The following KLHL17 variants were observed in gnomAD, a reference collection of about 807,000 sequenced individuals.
KLHL17 encodes the protein kelch-like protein 17.
In KLHL17, 71 loss-of-function variants were observed where a neutral mutation model predicts 64.6. The observed-to-expected ratio is 1.10, with a 90% CI of 0.91 to 1.34. KLHL17 has a LOEUF of 1.34. Ranked by LOEUF, KLHL17 falls within the 40% of genes most tolerant of loss-of-function variation. The probability of loss-of-function intolerance (pLI) is 0.00; values close to 1 mark genes in which losing one functional copy is unlikely to be tolerated. For missense variants in KLHL17, 1,140 were observed against 935.0 expected, an observed-to-expected ratio of 1.22 and a Z score of -2.86; for synonymous variants, 612 against 405.4, an observed-to-expected ratio of 1.51 and a Z score of -6.12.
In KLHL17 at chr1:965,638, T is replaced by C. The variant is rs1004863150; in HGVS notation, c.*447T>C. 5.1e-6 allele frequency: 1 copy of C among 195,740 alleles called. No homozygotes were observed. Among genetic ancestry groups the C allele is most frequent in the African/African-American group, 2.3e-5 (1 of 42,574 alleles). The allele number at this position is 195,740 out of a possible 1,614,324, so 12.1% of individuals were successfully genotyped here. On this transcript the variant is annotated 3_prime_UTR_variant, in exon 12 of 12. Coordinates refer to ENST00000338591, the MANE Select transcript of KLHL17 (RefSeq NM_198317.3). ...GCCGTGTGCCATCTTTCCTGGATCT[T>C]GTAGTGGGTGCACACGCGTGCACTG...
At chr1:962,072 C>T (rs769793676) in intron 4 of KLHL17, 25 bp downstream of exon 4, 9 of 1,580,898 alleles carry the variant, frequency 5.7e-6, no homozygotes, top group East Asian at 2.3e-5. Context: ...GCCCAGCCCT[C>T]GCCCCCCACC....
chr1:964,264 C>T, intron 10 of KLHL17, 84 bp downstream of exon 10: 1 of 1,595,946 alleles, frequency 6.3e-7, no homozygotes, highest in Non-Finnish European at 8.6e-7. Flanking sequence ...CCCCCCATTC[C>T]TGACACCCCA....
In KLHL17 at chr1:961,319, G is replaced by A. The variant is rs758007093; in HGVS notation, c.134G>A (p.Arg45Gln). Residue 45 changes from arginine to glutamine, a missense_variant, in exon 2 of 12, where the codon CGG becomes CAG. Physicochemically the swap from Arg to Gln is conservative, Grantham distance 43. Coordinates refer to ENST00000338591, the MANE Select transcript of KLHL17 (RefSeq NM_198317.3). The stretch of plus-strand genomic sequence containing the variant: ...CCCGAGGCAGAGCGCACGCGGCCCC[G>A]GCAGGCTCGGCCCGCAGCCCCCATG... ...PAPEAERTRP[R>Q]QARPAAPMEG... 3 of 1,533,712 alleles carry A rather than the reference G, an allele frequency of 2.0e-6. No individual in the cohort carries two copies. The highest frequency in any genetic ancestry group is 2.4e-5 in the East Asian group (1 of 40,828).
At position 961,841 on chromosome 1, in the gene KLHL17, G is replaced by A. The variant is rs1420022423; in HGVS notation, c.505G>A (p.Ala169Thr). ...TGCCCCGTAGACTCTGCTCCCAGCCGCCAGTCTCCTGCAGCTGAATGGCGT... is the reference window on the plus strand; with the variant it reads ...TGCCCCGTAGACTCTGCTCCCAGCCACCAGTCTCCTGCAGCTGAATGGCGT... The part of the protein sequence containing the change: ...EGNVQTLLPA[A>T]SLLQLNGVRD... The change falls in exon 4 of 12, where the codon GCC (alanine) becomes ACC (threonine). Residue 169 changes from alanine to threonine, a missense_variant. Physicochemically the swap from Ala to Thr is moderately conservative, Grantham distance 58. Transcript: ENST00000338591. The A allele has an allele frequency of 2.5e-6, 4 of 1,610,448 alleles. No individual in the cohort carries two copies. Among genetic ancestry groups the A allele is most frequent in the African/African-American group, 1.3e-5 (1 of 74,930 alleles).
Position 964,255 on chromosome 1 carries a change from C to T in KLHL17, c.1518+75C>T, listed in dbSNP as rs1642794680. The T allele has an allele frequency of 5.6e-6, 9 of 1,597,142 alleles. No homozygotes were observed. The Admixed American group carries it at 6.7e-5, about 12-fold the overall frequency. ...CTCCTCCCTCTGTTTACCCACATCC[C>T]CCCCATTCCTGACACCCCACCCTGG... On this transcript the variant is annotated intron_variant, in intron 10 of 11. Transcript: ENST00000338591.
rs778808134 is a variant in KLHL17, at chr1:961,579, G to A, written c.367+27G>A. On this transcript the variant is annotated intron_variant, in intron 2 of 11. Transcript: ENST00000338591. ...CAAGTACCCGCCTGGGCGGCGCTGG[G>A]GGCTCCGTGGGTCCCTCGGGTCAGC... The A allele has an allele frequency of 1.1e-5, 17 of 1,612,598 alleles. No homozygotes were observed. In the South Asian group the frequency reaches 1.9e-4, roughly 18 times the overall value.
intron 4 of KLHL17, 35 bp downstream of exon 4, chr1:962,082 C>T (rs761107058): frequency 1.3e-6 from 2 of 1,532,564 alleles, no homozygotes; most frequent in Non-Finnish European, 1.8e-6. Flanking sequence ...CGCCCCCCAC[C>T]CCACCCCACC....
chr1:962,311 C>T (rs964351368), intron 4 of KLHL17, 44 bp from the exon 5 acceptor site: 11 of 1,610,138 alleles, frequency 6.8e-6, no homozygotes, highest in Admixed American at 3.3e-5. Context: ...CCTGGGTCCA[C>T]AGGACCCTCC....
rs747549338 is a variant in KLHL17, at chr1:960,692, G to C, written c.-2G>C. ...CGAATCGGCGGTGGGTCCGGCAGCC[G>C]AATGCAGCCCCGCAGCGAGCGCCCG... On this transcript the variant is annotated 5_prime_UTR_variant, in exon 1 of 12. Coordinates refer to ENST00000338591, the MANE Select transcript of KLHL17 (RefSeq NM_198317.3). The C allele has an allele frequency of 7.3e-7, 1 of 1,374,812 alleles. No homozygotes were observed. The highest frequency in any genetic ancestry group is 3.4e-5 in the East Asian group (1 of 29,588). 85.2% of individuals were successfully genotyped at this position (1,374,812 alleles called of 1,614,324 possible). A position where few individuals can be genotyped will look rare whatever the true frequency, so the allele number is the denominator to read the frequency against.
chr1:961,213 G>A lies in KLHL17; in HGVS notation c.108-80G>A, dbSNP rs1239631109. On this transcript the variant is annotated intron_variant, in intron 1 of 11. Transcript: ENST00000338591. ...TCGCACCAGGGGCTGGGTCCCCGCGGGCTGCCCGGGCCCCCCAGCGGCTCC... is the reference window on the plus strand; with the variant it reads ...TCGCACCAGGGGCTGGGTCCCCGCGAGCTGCCCGGGCCCCCCAGCGGCTCC... The A allele has an allele frequency of 1.2e-5, 13 of 1,091,598 alleles. No homozygotes were observed. In the South Asian group the frequency reaches 5.4e-4, roughly 45 times the overall value. The allele number at this position is 1,091,598 out of a possible 1,614,324, so 67.6% of individuals were successfully genotyped here. A position where few individuals can be genotyped will look rare whatever the true frequency, so the allele number is the denominator to read the frequency against.
intron 10 of KLHL17, 27 bp from the exon 11 acceptor site, chr1:964,322 G>A (rs1569988681): frequency 6.5e-7 from 1 of 1,550,030 alleles, no homozygotes; most frequent in East Asian, 2.4e-5. Flanking sequence ...TGGCGGGTCT[G>A]CGTCCAGCCC....
rs945113836 is a variant in KLHL17 at position 965,265 on chromosome 1, C to A, written c.*74C>A. ...CGTGGCCCCCACCAGGGACGTCCTG[C>A]GCCATCCGTTCACGTCTCTGCATCC... On this transcript the variant is annotated 3_prime_UTR_variant, in exon 12 of 12. Transcript: ENST00000338591. 2 of 1,214,636 alleles carry A rather than the reference C, an allele frequency of 1.6e-6. No individual in the cohort carries two copies. Among genetic ancestry groups the A allele is most frequent in the African/African-American group, 1.5e-5 (1 of 66,230 alleles). 75.2% of individuals were successfully genotyped at this position (1,214,636 alleles called of 1,614,324 possible).
Position 963,469 on chromosome 1 carries a change from G to T in KLHL17, c.1320G>T (p.Ser440=), listed in dbSNP as rs556181635. The T allele has an allele frequency of 2.5e-6, 4 of 1,610,722 alleles. No homozygotes were observed. The highest frequency in any genetic ancestry group is 2.7e-5 in the African/African-American group (2 of 74,904). The stretch of plus-strand genomic sequence containing the variant: ...CCGCCTTGCATGGACTCCTGTACTC[G>T]GCCGGCGGCTATGACGGGGCCTCCT... ...GVAALHGLLY[S]AGGYDGASCL... The change falls in exon 8 of 12, where the codon TCG becomes TCT. Residue 440 remains serine, a synonymous_variant. Transcript: ENST00000338591.
In KLHL17 at chr1:964,152, TGG is replaced by T; in HGVS notation, c.1491_1492del (p.Ala498HisfsTer6). On this transcript the variant is annotated frameshift_variant, in exon 10 of 12. Transcript: ENST00000338591. LOFTEE classifies it high-confidence loss of function. ...GGCGGCTACGACAGCTCCTCACACC[TGG>T]CCACTGTGGAGAAGTATGAGCCCCA... The T allele has an allele frequency of 5.0e-6, 8 of 1,612,694 alleles. No homozygotes were observed. The highest frequency in any genetic ancestry group is 6.8e-6 in the Non-Finnish European group (8 of 1,179,918).
At chr1:962,617 T>C in intron 5 of KLHL17, 87 bp from the exon 6 acceptor site, 3 of 1,522,084 alleles carry the variant, frequency 2.0e-6, no homozygotes, top group East Asian at 2.3e-5. Flanking sequence ...ATCACACAGG[T>C]GGTACGGGCA....
intron 10 of KLHL17, 76 bp from the exon 11 acceptor site, chr1:964,273 C>A: frequency 6.3e-7 from 1 of 1,590,104 alleles, no homozygotes; most frequent in Admixed American, 1.7e-5. Flanking sequence ...CCTGACACCC[C>A]ACCCTGGAGT....
At chr1:960,863 C>G (rs1642607531) in intron 1 of KLHL17, 63 bp downstream of exon 1, 1 of 965,276 alleles carries the variant, frequency 1.0e-6, no homozygotes, top group South Asian at 4.7e-5. Context: ...CCCGCCCTCG[C>G]GTCCGCTCGC....
chr1:962,342 C>A lies in KLHL17; in HGVS notation c.712-13C>A. On this transcript the variant is annotated splice_polypyrimidine_tract_variant and intron_variant, in intron 4 of 11. Coordinates refer to ENST00000338591, the MANE Select transcript of KLHL17 (RefSeq NM_198317.3). ...CCTCCCCAGATCTCAGGTCTGAGGACCCCCACTCCCAGGTTCTGGAACTGG... is the reference window on the plus strand; with the variant it reads ...CCTCCCCAGATCTCAGGTCTGAGGAACCCCACTCCCAGGTTCTGGAACTGG... 1 of 1,612,360 alleles carries A rather than the reference C, an allele frequency of 6.2e-7. No homozygotes were observed. Among genetic ancestry groups the A allele is most frequent in the South Asian group, 1.1e-5 (1 of 90,964 alleles).
rs1217760471 is a variant in KLHL17 at position 961,711 on chromosome 1, C to T, written c.450C>T (p.Ala150=). The stretch of plus-strand genomic sequence containing the variant: ...CCTTGGACCAGCTGGTGCAGTTTGC[C>T]TACACGGCTGAGATTGTGGTGGGCG... ...PQALDQLVQF[A]YTAEIVVGEG... Residue 150 remains alanine, a synonymous_variant, in exon 3 of 12, where the codon GCC becomes GCT. Coordinates refer to ENST00000338591, the MANE Select transcript of KLHL17 (RefSeq NM_198317.3). 3 of 1,612,250 alleles carry T rather than the reference C, an allele frequency of 1.9e-6. No individual in the cohort carries two copies. Among genetic ancestry groups the T allele is most frequent in the Middle Eastern group, 1.7e-4 (1 of 6,060 alleles).
Sources: gnomAD v4.1 joint callset for allele counts on GRCh38, gnomAD v4.1.1 for gene constraint, MANE v1.5 for transcripts, NCBI Gene and HGNC (gene_info 2026-07-23, HGNC 2026-07-21) for gene names.